Variants in KRT76 observed in about 807,000 individuals in gnomAD.
KRT76 encodes the protein keratin 76, also known as keratin, type II cytoskeletal 2 oral.
A neutral mutation model predicts 44.9 loss-of-function variants in KRT76; 47 were observed. The ratio of observed to expected loss-of-function variants is 1.05; its 90% CI spans 0.83 to 1.33. The LOEUF (loss-of-function observed/expected upper bound fraction) is 1.33, where lower values mean the gene tolerates loss of function less well. Among genes scored for constraint, KRT76 ranks in the 40% most tolerant of loss-of-function variants. The pLI is 0.00. For synonymous variants in KRT76, 331 were observed against 294.1 expected, an observed-to-expected ratio of 1.13 and a Z score of -1.28; for missense variants, 860 against 775.8, an observed-to-expected ratio of 1.11 and a Z score of -1.29.
chr12:52,773,562 G>A lies in KRT76; in HGVS notation c.876+20C>T. 6.2e-7 allele frequency: 1 copy of A among 1,600,914 alleles called. No homozygotes were observed. ...GCTCCCAGAAAGGAAACCTGGATAT[G>A]CTGGTCCAGGCTCACCTACCTTCTT... On this transcript the variant is annotated intron_variant, in intron 3 of 8. Transcript: ENST00000332411.
intron 1 of KRT76, 142 bp downstream of exon 1, chr12:52,776,550 C>T: frequency 1.5e-6 from 2 of 1,326,700 alleles, no homozygotes; most frequent in Non-Finnish European, 2.1e-6. Flanking sequence ...GGGGCATGAT[C>T]ACTGTCCTGT....
Position 52,768,878 on chromosome 12 carries a change from C to G in KRT76, c.1752G>C (p.Arg584Ser), listed in dbSNP as rs199954226. The G allele has an allele frequency of 6.2e-7, 1 of 1,613,602 alleles. No homozygotes were observed. Among genetic ancestry groups the G allele is most frequent in the Non-Finnish European group, 8.5e-7 (1 of 1,179,726 alleles). Residue 584 changes from arginine (R) to serine (S), a missense_variant, in exon 9 of 9, where the codon AGG becomes AGC. Arg to Ser is a moderately radical substitution (Grantham distance 110, BLOSUM62 -1). Transcript: ENST00000332411. ...GSYQSSSSGS[R>S]LGGAGSISVS... ...CGGAGATGCTACCTGCACCGCCGAG[C>G]CTGCTCCCACTACTGCTGCTCTGGT...
Position 52,776,847 on chromosome 12 carries a change from C to T in KRT76, c.445G>A (p.Gly149Arg), listed in dbSNP as rs989223897. The T allele has an allele frequency of 4.3e-6, 7 of 1,613,572 alleles. No homozygotes were observed. In the African/African-American group the frequency reaches 5.3e-5, roughly 12 times the overall value. ...SFGGPGGFGP[G>R]GFPGGIQEVI... The stretch of plus-strand genomic sequence containing the variant: ...TCCTGAATTCCCCCAGGAAAGCCCC[C>T]AGGGCCAAAGCCACCAGGACCACCA... The change falls in exon 1 of 9, where the codon GGG (glycine) becomes AGG (arginine). Residue 149 changes from glycine to arginine, a missense_variant. Transcript: ENST00000332411.
chr12:52,769,785 C>T (rs543478226), intron 7 of KRT76, among the ~76,000 whole-genome samples: 45 of 152,330 alleles, frequency 3.0e-4, no homozygotes, highest in African/African-American at 9.4e-4. Context: ...AGAATTCCCA[C>T]ACTTTTCCCC....
chr12:52,769,631 C>A (rs1181590015), intron 7 of KRT76, 48 bp from the exon 8 acceptor site: 1 of 1,567,860 alleles, frequency 6.4e-7, no homozygotes. Flanking sequence ...GAGTCAATAA[C>A]CAAAGAGTTG....
In KRT76 at chr12:52,769,390, G is replaced by A. The variant is rs1467389067; in HGVS notation, c.1519+159C>T. Among the ~76,000 whole-genome samples the A allele has an allele frequency of 3.3e-5, 5 of 152,188 alleles. No individual in the cohort carries two copies. In the East Asian group the frequency reaches 9.6e-4, roughly 29 times the overall value. ...CTGAGAGGTTGTCAGCTTACACTAGGGGCAGAGCATGTGGCCATGGCCTGA... is the reference window on the plus strand; with the variant it reads ...CTGAGAGGTTGTCAGCTTACACTAGAGGCAGAGCATGTGGCCATGGCCTGA... On this transcript the variant is annotated intron_variant, in intron 8 of 8. Transcript: ENST00000332411.
Position 52,771,985 on chromosome 12 carries a change from C to G in KRT76, c.1149G>C (p.Leu383=), listed in dbSNP as rs149758556. The stretch of plus-strand genomic sequence containing the variant: ...CCCCATGCCTGCCAGCTGTGGTCTG[C>G]AGCTCCCCAAGCTGACAGAGGAAAA... The part of the protein sequence containing the change: ...EALYQTKLGE[L]QTTAGRHGDD... Residue 383 remains leucine, a synonymous_variant, in exon 6 of 9, where the codon CTG becomes CTC. Coordinates refer to ENST00000332411, the MANE Select transcript of KRT76 (RefSeq NM_015848.4). 4.6e-5 allele frequency: 75 copies of G among 1,613,830 alleles called. No homozygotes were observed. The African/African-American group carries it at 9.2e-4, about 20-fold the overall frequency.
chr12:52,772,304 G>A (rs780045971), intron 4 of KRT76, 46 bp from the exon 5 acceptor site: 2 of 1,523,372 alleles, frequency 1.3e-6, no homozygotes, highest in Non-Finnish European at 1.8e-6. Flanking sequence ...CTGGACCAGG[G>A]GATGCTGGGA....
At chr12:52,773,787 G>A (rs1431803997) in intron 2 of KRT76, 145 bp from the exon 3 acceptor site, 7 of 517,240 alleles carry the variant, frequency 1.4e-5, no homozygotes, top group Non-Finnish European at 2.4e-5. Flanking sequence ...TGGGCTCAGG[G>A]TCCTCACACT....
Position 52,768,533 on chromosome 12 carries a change from A to G in KRT76, c.*180T>C. 1 of 644,880 alleles carries G rather than the reference A, an allele frequency of 1.6e-6. No individual in the cohort carries two copies. The highest frequency in any genetic ancestry group is 2.7e-5 in the Admixed American group (1 of 37,024). 39.9% of individuals were successfully genotyped at this position (644,880 alleles called of 1,614,324 possible). ...ATCATCATCCCAGACCAGCAGCAGGACCTCCATGGCCCTGGGAAGGTCATG... is the reference window on the plus strand; with the variant it reads ...ATCATCATCCCAGACCAGCAGCAGGGCCTCCATGGCCCTGGGAAGGTCATG... On this transcript the variant is annotated 3_prime_UTR_variant, in exon 9 of 9. Coordinates refer to ENST00000332411, the MANE Select transcript of KRT76 (RefSeq NM_015848.4).
chr12:52,769,662 C>A (rs372520571), intron 7 of KRT76, 79 bp from the exon 8 acceptor site: 6 of 1,258,712 alleles, frequency 4.8e-6, no homozygotes, highest in Non-Finnish European at 7.0e-6. Flanking sequence ...ACTTTGGGAG[C>A]CACGCCCTCC....
rs147637939 is a variant in KRT76, at chr12:52,770,792, CATG to C, written c.1484+204_1484+206del. Among the ~76,000 whole-genome samples, 168 of 152,268 alleles carry C rather than the reference CATG, an allele frequency of 1.1e-3. 1 individual carries two copies. Among genetic ancestry groups the C allele is most frequent in the African/African-American group, 4.0e-3 (165 of 41,550 alleles). ...AGTGAAGATCAATAGAGATATGTAA[CATG>C]ATATTGATGTCCATTAAACATTTGA... On this transcript the variant is annotated intron_variant, in intron 7 of 8. Coordinates refer to ENST00000332411, the MANE Select transcript of KRT76 (RefSeq NM_015848.4).
rs1262077368 is a variant in KRT76, at chr12:52,768,209, G to A, written c.*504C>T. The A allele has an allele frequency of 6.5e-6, 1 of 154,858 alleles. No homozygotes were observed. Among genetic ancestry groups the A allele is most frequent in the Non-Finnish European group, 1.4e-5 (1 of 69,694 alleles). 9.6% of individuals were successfully genotyped at this position (154,858 alleles called of 1,614,324 possible). ...AAAGTGCAACATACTCATCACCAGA[G>A]GATCTACAGCTCAGGGAATTAGGGG... On this transcript the variant is annotated 3_prime_UTR_variant, in exon 9 of 9. Transcript: ENST00000332411.
chr12:52,771,087 G>A lies in KRT76; in HGVS notation c.1396C>T (p.Arg466Cys), dbSNP rs147945662. ...ACGTTCATCAGCTCCTGGTAGTCAC[G>A]CAGGAGCCGAGCCAGGTCATCCTTA... Reference protein sequence around the residue: ...KAKDDLARLLRDYQELMNVKL... With the variant: ...KAKDDLARLLCDYQELMNVKL... Residue 466 changes from arginine to cysteine, a missense_variant, in exon 7 of 9, where the codon CGT (arginine) becomes TGT (cysteine). Transcript: ENST00000332411. 56 of 1,614,126 alleles carry A rather than the reference G, an allele frequency of 3.5e-5. No homozygotes were observed. The highest frequency in any genetic ancestry group is 2.1e-4 in the South Asian group (19 of 91,076).
chr12:52,775,255 T>C (rs2121197236), intron 2 of KRT76, 133 bp downstream of exon 2: 1 of 801,714 alleles, frequency 1.2e-6, no homozygotes, highest in East Asian at 2.5e-5. Flanking sequence ...TTCTGCTTTG[T>C]CATGTTTCAC....
intron 1 of KRT76, 109 bp downstream of exon 1, chr12:52,776,583 C>A: frequency 3.2e-6 from 5 of 1,573,494 alleles, no homozygotes; most frequent in South Asian, 2.3e-5. Context: ...AGCACCAGGA[C>A]AAGAGCCAAG....
intron 1 of KRT76, 117 bp from the exon 2 acceptor site, chr12:52,775,719 GT>G: frequency 1.3e-6 from 1 of 764,588 alleles, no homozygotes; most frequent in Admixed American, 2.7e-5. Context: ...AATTTCCCCT[GT>G]TTTTTAATTT....
intron 7 of KRT76, among the ~76,000 whole-genome samples, chr12:52,769,986 C>T (rs1050617459): frequency 1.3e-5 from 2 of 152,120 alleles, no homozygotes; most frequent in Admixed American, 6.5e-5. Flanking sequence ...CACAATGGGC[C>T]CTCCTGGGGT....
rs778936647 is a variant in KRT76, at chr12:52,768,971, G to A, written c.1659C>T (p.Gly553=). ...SSSSSGYGVS[G]GSGSGYGGVS... ...CCCCTCCATAGCCACTGCCGCTGCC[G>A]CCACTGACTCCATAGCCACTGCTGC... Residue 553 remains glycine, a synonymous_variant, in exon 9 of 9, where the codon GGC becomes GGT. Coordinates refer to ENST00000332411, the MANE Select transcript of KRT76 (RefSeq NM_015848.4). The A allele has an allele frequency of 1.3e-5, 16 of 1,200,374 alleles. 1 individual carries two copies. The highest frequency in any genetic ancestry group is 6.3e-5 in the South Asian group (5 of 79,148). 74.4% of individuals were successfully genotyped at this position (1,200,374 alleles called of 1,614,324 possible).
Sources: gnomAD v4.1 joint callset for allele counts (sites outside exome capture counted in the v4.1 genomes callset) on GRCh38, gnomAD v4.1.1 for gene constraint, MANE v1.5 for transcripts, NCBI Gene and HGNC (gene_info 2026-07-23, HGNC 2026-07-21) for gene names.